LPIN1: variants seen among roughly 807,000 people sequenced by gnomAD.
The protein encoded by LPIN1 is lipin 1.
A neutral mutation model predicts 107.5 loss-of-function variants in LPIN1; 71 were observed. The observed-to-expected ratio is 0.66, with a 90% CI of 0.55 to 0.80. The LOEUF (loss-of-function observed/expected upper bound fraction) is 0.80, where lower values mean the gene tolerates loss of function less well. Among genes scored for constraint, LPIN1 ranks in the 30% least tolerant of loss-of-function variants. The pLI is 0.00. For missense variants in LPIN1, 1,043 were observed against 1,160.6 expected (o/e 0.90, Z 1.47); for synonymous variants, 445 against 452.6 (o/e 0.98, Z 0.21).
intron 10 of LPIN1, among the ~76,000 whole-genome samples, 173 bp downstream of exon 10, chr2:11,785,249 C>T (rs1403691881): frequency 1.3e-5 from 2 of 152,226 alleles, no homozygotes; most frequent in African/African-American, 2.4e-5. Flanking sequence ...TGCAGTTAGT[C>T]GGCCTCAGAG....
At chr2:11,793,003 G>A (rs912453238) in intron 13 of LPIN1, among the ~76,000 whole-genome samples, 4 of 152,130 alleles carry the variant, frequency 2.6e-5, no homozygotes, top group African/African-American at 4.8e-5. Context: ...TTCTGCCCAT[G>A]CGATGACTCC....
In LPIN1 at chr2:11,782,314, A is replaced by G. The variant is rs879617712; in HGVS notation, c.1071A>G (p.Gln357=). 8 of 1,614,184 alleles carry G rather than the reference A, an allele frequency of 5.0e-6. No homozygotes were observed. The highest frequency in any genetic ancestry group is 4.4e-5 in the South Asian group (4 of 91,078). ...HSESSDTFSD[Q]SPTLVGGALL... ...AATCTTCAGACACTTTTAGTGACCA[A>G]TCGCCAACTCTGGTCGGTGGGGCAC... Residue 357 remains glutamine, a synonymous_variant, in exon 8 of 21, where the codon CAA becomes CAG. Coordinates refer to ENST00000674199, the MANE Select transcript of LPIN1 (RefSeq NM_001349206.2).
In LPIN1 at chr2:11,780,415, G is replaced by C. The variant is rs111720892; in HGVS notation, c.957+770G>C. ...CATGTTCTTGTGTCCCTCACACAGAGAGACATCTGGGAGAGCCCTGGGAGA... is the reference window on the plus strand; with the variant it reads ...CATGTTCTTGTGTCCCTCACACAGACAGACATCTGGGAGAGCCCTGGGAGA... On this transcript the variant is annotated intron_variant, in intron 7 of 20. Coordinates refer to ENST00000674199, the MANE Select transcript of LPIN1 (RefSeq NM_001349206.2). Among the ~76,000 whole-genome samples, 658 of 152,320 alleles carry C rather than the reference G, an allele frequency of 4.3e-3. 8 individuals carry two copies. The highest frequency in any genetic ancestry group is 0.014 in the African/African-American group (602 of 41,578).
chr2:11,798,988 T>C (rs1298830675), intron 14 of LPIN1, among the ~76,000 whole-genome samples: 1 of 152,190 alleles, frequency 6.6e-6, no homozygotes, highest in Non-Finnish European at 1.5e-5. Context: ...CCCTTTTGTT[T>C]TGTTTTGTTG....
At position 11,782,267 on chromosome 2, in the gene LPIN1, C is replaced by T. The variant is rs148797102; in HGVS notation, c.1024C>T (p.His342Tyr). The change falls in exon 8 of 21, where the codon CAC (histidine) becomes TAC (tyrosine). Residue 342 changes from histidine (H) to tyrosine (Y), a missense_variant. By Grantham distance (83) the His-to-Tyr change is moderately conservative (BLOSUM62 2). Transcript: ENST00000674199. ...LSSRKICDKS[H>Y]FQAIHSESSD... The stretch of plus-strand genomic sequence containing the variant: ...CAGTAGAAAAATTTGTGATAAAAGT[C>T]ACTTTCAGGCCATTCACAGCGAATC... The T allele has an allele frequency of 5.0e-6, 8 of 1,614,180 alleles. No homozygotes were observed. The African/African-American group carries it at 1.1e-4, about 22-fold the overall frequency.
At chr2:11,739,854 ATAACCATATGCGAATGACATTCAATG>A (rs1666159259) in intron 1 of LPIN1, among the ~76,000 whole-genome samples, 1 of 152,254 alleles carries the variant, frequency 6.6e-6, no homozygotes, top group South Asian at 2.1e-4. Flanking sequence ...TACTATTTAT[ATAACCATATGCGAATGACATTCAATG>A]TAAACCCTTT....
intron 1 of LPIN1, among the ~76,000 whole-genome samples, chr2:11,713,164 G>A (rs75210826): frequency 1.8e-3 from 275 of 152,356 alleles, no homozygotes; most frequent in Admixed American, 4.6e-3. Flanking sequence ...AAGACATGAA[G>A]ATGGAGAAAG....
intron 4 of LPIN1, among the ~76,000 whole-genome samples, chr2:11,773,036 G>C (rs1672108476): frequency 6.6e-6 from 1 of 152,202 alleles, no homozygotes. Context: ...GGTGTTCCAG[G>C]TAACATCAAC....
At chr2:11,740,913 A>G (rs10191977) in intron 1 of LPIN1, 70,288 of 154,264 alleles carry the variant, frequency 0.46, 16,362 homozygotes, top group African/African-American at 0.53. Flanking sequence ...ACTTAGCTGT[A>G]GATACCAAGC....
Position 11,697,665 on chromosome 2 carries a change from T to C in LPIN1, c.82-16091T>C, listed in dbSNP as rs1239005538. ...TTCATTGGCAGGGTGAGTGGAGAAG[T>C]GCTTGGTGGGCTGGTTTTGCAGCCA... is the stretch of plus-strand genomic sequence containing the variant. On this transcript the variant is annotated intron_variant, in intron 1 of 21. Transcript: ENST00000449576. The surrounding 1 kb of genome is among the most constrained non-coding windows in gnomAD (Gnocchi z 4.6). Among the ~76,000 whole-genome samples, 1 of 152,146 alleles carries C rather than the reference T, an allele frequency of 6.6e-6. No individual in the cohort carries two copies. Among genetic ancestry groups the C allele is most frequent in the East Asian group, 1.9e-4 (1 of 5,198 alleles).
At chr2:11,813,606 T>C (rs1001278861) in intron 17 of LPIN1, among the ~76,000 whole-genome samples, 2 of 152,038 alleles carry the variant, frequency 1.3e-5, no homozygotes, top group Non-Finnish European at 2.9e-5. Context: ...GACACTAAAT[T>C]TTTGATAGTT....
intron 1 of LPIN1, among the ~76,000 whole-genome samples, chr2:11,701,986 C>T (rs1421633698): frequency 6.6e-6 from 1 of 152,196 alleles, no homozygotes; most frequent in Non-Finnish European, 1.5e-5. Context: ...CTGAGTTCTG[C>T]CTTCTGGTCT....
upstream of LPIN1, among the ~76,000 whole-genome samples, chr2:11,722,778 C>A (rs1664244044): frequency 6.6e-6 from 1 of 152,090 alleles, no homozygotes; most frequent in Non-Finnish European, 1.5e-5. Context: ...TTTTAGCTCC[C>A]AAATTTTAAT....
intron 14 of LPIN1, among the ~76,000 whole-genome samples, chr2:11,800,009 C>T (rs1364862400): frequency 6.6e-6 from 1 of 152,232 alleles, no homozygotes; most frequent in Non-Finnish European, 1.5e-5. Flanking sequence ...AGCCGATGCT[C>T]TGTTTTCCTT....
chr2:11,794,786 C>T (rs1476944429), intron 13 of LPIN1, among the ~76,000 whole-genome samples: 1 of 152,196 alleles, frequency 6.6e-6, no homozygotes, highest in Non-Finnish European at 1.5e-5. Flanking sequence ...CTTTAATCCC[C>T]ATGGCAGCGT....
At position 11,771,813 on chromosome 2, in the gene LPIN1, G is replaced by A; in HGVS notation, c.596+134G>A. The A allele has an allele frequency of 2.1e-6, 2 of 933,254 alleles. No homozygotes were observed. Among genetic ancestry groups the A allele is most frequent in the Non-Finnish European group, 3.2e-6 (2 of 622,530 alleles). The allele number at this position is 933,254 out of a possible 1,614,324, so 57.8% of individuals were successfully genotyped here. ...AGACCAGTGGTCCCCAACCTTTTTGGCACTAGGGACCAGTTTTGTGGAAGA... is the reference window on the plus strand; with the variant it reads ...AGACCAGTGGTCCCCAACCTTTTTGACACTAGGGACCAGTTTTGTGGAAGA... On this transcript the variant is annotated intron_variant, in intron 4 of 20. Transcript: ENST00000674199. The surrounding 1 kb of genome is among the most constrained non-coding windows in gnomAD (Gnocchi z 4.8).
intron 1 of LPIN1, among the ~76,000 whole-genome samples, chr2:11,733,873 C>T (rs894817412): frequency 4.6e-5 from 7 of 152,206 alleles, no homozygotes; most frequent in Admixed American, 2.6e-4. Flanking sequence ...CACCCAAGTT[C>T]CATTGTACAA....
intron 17 of LPIN1, among the ~76,000 whole-genome samples, chr2:11,808,292 C>T (rs1679060063): frequency 6.6e-6 from 1 of 152,138 alleles, no homozygotes; most frequent in African/African-American, 2.4e-5. Context: ...AATTCCCATC[C>T]TAGCAGGCTC....
chr2:11,710,037 T>C (rs1305056961), intron 1 of LPIN1, among the ~76,000 whole-genome samples: 4 of 152,210 alleles, frequency 2.6e-5, no homozygotes, highest in African/African-American at 7.2e-5. Flanking sequence ...TTCAGCTTCA[T>C]TGAGTATCTG....
Sources: allele counts gnomAD v4.1 joint callset (sites outside exome capture counted in the v4.1 genomes callset), GRCh38; gene constraint gnomAD v4.1.1; non-coding constraint Gnocchi (gnomAD v3.1); transcripts MANE v1.5; gene names NCBI Gene and HGNC (gene_info 2026-07-23, HGNC 2026-07-21).